The following CHTOP variants were observed in gnomAD, a reference collection of about 807,000 sequenced individuals.
The protein encoded by CHTOP is chromatin target of PRMT1, also known as chromatin target of PRMT1 protein.
CHTOP carries 18 observed loss-of-function variants against 33.6 expected under a neutral mutation model. That is an observed-to-expected ratio of 0.54 (90% CI 0.37 to 0.80). The LOEUF (loss-of-function observed/expected upper bound fraction) is 0.80. Among genes scored for constraint, CHTOP ranks in the 30% least tolerant of loss-of-function variants. The pLI, the probability that CHTOP is intolerant of heterozygous loss-of-function variation, is 0.00. For missense variants in CHTOP, 263 were observed against 336.8 expected, an observed-to-expected ratio of 0.78 and a Z score of 1.71; for synonymous variants, 117 against 127.7, an observed-to-expected ratio of 0.92 and a Z score of 0.56.
intron 3 of CHTOP, among the ~76,000 whole-genome samples, chr1:153,640,960 C>T (rs569183670): frequency 2.0e-5 from 3 of 152,254 alleles, no homozygotes; most frequent in East Asian, 1.9e-4. Context: ...TCTTTTAAAG[C>T]ACAAAGCTTG....
intron 4 of CHTOP, chr1:153,642,990 A>G (rs1668682292): frequency 1.9e-6 from 1 of 521,868 alleles, no homozygotes; most frequent in South Asian, 2.0e-5. Flanking sequence ...TATTTATTAA[A>G]TGTATGTACT....
chr1:153,645,451 T>C lies in CHTOP; in HGVS notation c.*182T>C. On this transcript the variant is annotated 3_prime_UTR_variant, in exon 6 of 6. Coordinates refer to ENST00000368694, the MANE Select transcript of CHTOP (RefSeq NM_015607.4). ...TTTTACTTTTTGATACTGTGTTGTA[T>C]GAAACCCTTTTGTCCTTTGATTTGG... The C allele has an allele frequency of 4.5e-6, 2 of 441,772 alleles. No homozygotes were observed. Among genetic ancestry groups the C allele is most frequent in the Non-Finnish European group, 3.9e-6 (1 of 254,040 alleles). The allele number at this position is 441,772 out of a possible 1,614,324, so 27.4% of individuals were successfully genotyped here.
chr1:153,636,011 C>G (rs1389328719), intron 1 of CHTOP, among the ~76,000 whole-genome samples: 1 of 151,994 alleles, frequency 6.6e-6, no homozygotes, highest in Non-Finnish European at 1.5e-5. Flanking sequence ...GCCTCCAACC[C>G]CTGGGCTCTA....
rs775085154 is a variant in CHTOP, at chr1:153,645,145, G to A, written c.623G>A (p.Arg208His). The A allele has an allele frequency of 2.2e-5, 36 of 1,613,852 alleles. No individual in the cohort carries two copies. The Admixed American group carries it at 2.8e-4, about 13-fold the overall frequency. The change falls in exon 6 of 6, where the codon CGC (arginine) becomes CAC (histidine). Residue 208 changes from arginine (R) to histidine (H), a missense_variant. Physicochemically the swap from Arg to His is conservative, Grantham distance 29 (BLOSUM62 0). This residue lies in a region of CHTOP where 168 missense variants were observed against 179.9 expected (regional missense o/e 0.93). Transcript: ENST00000368694. ...GRGRGRGALA[R>H]PVLTKEQLDN... is the part of the protein sequence containing the mutation. ...GGACGAGGGAGAGGTGCCCTTGCTC[G>A]CCCTGTATTGACCAAGGAGCAGCTG...
In CHTOP at chr1:153,645,438, A is replaced by G. The variant is rs1296026709; in HGVS notation, c.*169A>G. On this transcript the variant is annotated 3_prime_UTR_variant, in exon 6 of 6. Coordinates refer to ENST00000368694, the MANE Select transcript of CHTOP (RefSeq NM_015607.4). ...TTTAGTGTGTTCCTTTTACTTTTTGATACTGTGTTGTATGAAACCCTTTTG... is the reference window on the plus strand; with the variant it reads ...TTTAGTGTGTTCCTTTTACTTTTTGGTACTGTGTTGTATGAAACCCTTTTG... 2.7e-6 allele frequency: 1 copy of G among 374,940 alleles called. No homozygotes were observed. The highest frequency in any genetic ancestry group is 4.4e-6 in the Non-Finnish European group (1 of 227,346). 23.2% of individuals were successfully genotyped at this position (374,940 alleles called of 1,614,324 possible).
At chr1:153,639,537 G>A in intron 3 of CHTOP, 1 of 267,778 alleles carries the variant, frequency 3.7e-6, no homozygotes, top group Non-Finnish European at 5.7e-6. Context: ...GAACCATTGG[G>A]CTCACTGACC....
intron 4 of CHTOP, 92 bp downstream of exon 4, chr1:153,642,521 G>T: frequency 2.9e-6 from 3 of 1,025,480 alleles, no homozygotes; most frequent in Non-Finnish European, 4.2e-6. Flanking sequence ...ACATCTTTAA[G>T]CCTGAATTTG....
At chr1:153,635,334 T>C in intron 1 of CHTOP, among the ~76,000 whole-genome samples, 1 of 151,318 alleles carries the variant, frequency 6.6e-6, no homozygotes, top group Non-Finnish European at 1.5e-5. Flanking sequence ...TATATTTTTA[T>C]AGAAACGGGG....
intron 5 of CHTOP, 101 bp downstream of exon 5, chr1:153,643,465 C>G (rs1668698369): frequency 2.5e-6 from 3 of 1,196,790 alleles, no homozygotes; most frequent in African/African-American, 1.6e-5. Context: ...AGGCAGGCTT[C>G]TTTGTTTGTC....
At chr1:153,643,438 G>T in intron 5 of CHTOP, 74 bp downstream of exon 5, 1 of 1,417,698 alleles carries the variant, frequency 7.1e-7, no homozygotes. Flanking sequence ...CCACCTTTCT[G>T]CACAGCTTCA....
intron 3 of CHTOP, chr1:153,639,400 A>G (rs200144012): frequency 3.1e-6 from 3 of 983,520 alleles, no homozygotes; most frequent in East Asian, 1.1e-4. Flanking sequence ...GTGGCTGTGG[A>G]AGGATATGTC....
At chr1:153,634,957 G>T (rs989386194) in intron 1 of CHTOP, among the ~76,000 whole-genome samples, 1 of 151,802 alleles carries the variant, frequency 6.6e-6, no homozygotes, top group African/African-American at 2.4e-5. Flanking sequence ...GGGTTCAAGC[G>T]ATTCTCCTGC....
At chr1:153,643,877 T>C (rs1228585836) in intron 5 of CHTOP, 2 of 152,364 alleles carry the variant, frequency 1.3e-5, no homozygotes, top group Non-Finnish European at 2.9e-5. Flanking sequence ...CAGAGATGAC[T>C]TTTTTTGCTT....
chr1:153,636,155 C>T (rs1368233192), intron 1 of CHTOP, among the ~76,000 whole-genome samples: 4 of 150,782 alleles, frequency 2.7e-5, no homozygotes, highest in African/African-American at 9.8e-5. Context: ...TCTCTAACTC[C>T]TGGCTTCAAA....
chr1:153,634,381 G>T (rs1557935480), intron 1 of CHTOP, 38 bp downstream of exon 1: 2 of 152,944 alleles, frequency 1.3e-5, no homozygotes, highest in Non-Finnish European at 2.9e-5. Context: ...GGGGAGGTGC[G>T]GTCTTGAGGA....
intron 2 of CHTOP, chr1:153,637,693 TGACTTTC>T (rs1220917074): frequency 3.3e-5 from 5 of 152,570 alleles, no homozygotes; most frequent in African/African-American, 9.6e-5. Flanking sequence ...TTCATTAAGT[TGACTTTC>T]GACCACTGAA....
rs1482071886 is a variant in CHTOP, at chr1:153,645,111, C to A, written c.589C>A (p.Arg197=). The A allele has an allele frequency of 6.2e-7, 1 of 1,613,612 alleles. No individual in the cohort carries two copies. The highest frequency in any genetic ancestry group is 1.1e-5 in the South Asian group (1 of 91,044). Residue 197 remains arginine, a synonymous_variant, in exon 6 of 6, where the codon CGA becomes AGA. Coordinates refer to ENST00000368694, the MANE Select transcript of CHTOP (RefSeq NM_015607.4). ...AAGAGGGGGCTTTGGAGGCCGAGGC[C>A]GAGGCCGTGGACGAGGGAGAGGTGC... is the stretch of plus-strand genomic sequence containing the variant. ...RGRGGFGGRG[R]GRGRGRGALA...
chr1:153,635,892 G>A (rs76814593), intron 1 of CHTOP, among the ~76,000 whole-genome samples: 3,172 of 151,810 alleles, frequency 0.021, 106 homozygotes, highest in African/African-American at 0.073. Flanking sequence ...AGAAATTCCC[G>A]GGTATTTTGT....
At chr1:153,638,827 T>G (rs1668506442) in intron 3 of CHTOP, among the ~76,000 whole-genome samples, 1 of 152,008 alleles carries the variant, frequency 6.6e-6, no homozygotes. Flanking sequence ...AGGGAAATAA[T>G]TTTATTCTTT....
Sources: gnomAD v4.1 joint callset for allele counts (sites outside exome capture counted in the v4.1 genomes callset) on GRCh38, gnomAD v4.1.1 for gene constraint, gnomAD v4.1.1 regional missense constraint, MANE v1.5 for transcripts, NCBI Gene and HGNC (gene_info 2026-07-23, HGNC 2026-07-21) for gene names.